ZNF536: variants seen among roughly 807,000 people sequenced by gnomAD.
The protein encoded by ZNF536 is zinc finger protein 536.
ZNF536 carries 13 observed loss-of-function variants against 84.5 expected under a neutral mutation model. The ratio of observed to expected loss-of-function variants is 0.15; its 90% CI spans 0.10 to 0.24. The LOEUF (loss-of-function observed/expected upper bound fraction) is 0.24. Among genes scored for constraint, ZNF536 ranks in the 10% least tolerant of loss-of-function variants. The pLI, the probability that ZNF536 is intolerant of heterozygous loss-of-function variation, is 1.00. For missense variants in ZNF536, 1,536 were observed against 1,747.5 expected (o/e 0.88, Z 2.16); for synonymous variants, 811 against 742.5 (o/e 1.09, Z -1.50).
intron 1 of ZNF536, among the ~76,000 whole-genome samples, chr19:30,443,051 T>A (rs1012394298): frequency 6.6e-6 from 1 of 151,896 alleles, no homozygotes; most frequent in African/African-American, 2.4e-5. Context: ...TTGTTTTTTT[T>A]TTTTTTTTGG....
At chr19:30,663,470 C>T (rs867265299) in intron 1 of ZNF536, among the ~76,000 whole-genome samples, 12 of 152,176 alleles carry the variant, frequency 7.9e-5, no homozygotes, top group Admixed American at 2.6e-4. Context: ...CGCCATTATA[C>T]GACGCCTTCC....
At chr19:30,296,487 T>C (rs935695624) in intron 2 of ZNF536, among the ~76,000 whole-genome samples, 2 of 152,144 alleles carry the variant, frequency 1.3e-5, no homozygotes, top group African/African-American at 4.8e-5. Flanking sequence ...TGAAACCCTT[T>C]TGTATGGCTC....
At chr19:30,296,970 A>C (rs1364319398) in intron 2 of ZNF536, among the ~76,000 whole-genome samples, 2 of 152,162 alleles carry the variant, frequency 1.3e-5, no homozygotes, top group African/African-American at 4.8e-5. Flanking sequence ...GGTGAGAGTA[A>C]AACTTCCAGA....
At chr19:30,603,760 C>A (rs2047773845) in intron 1 of ZNF536, among the ~76,000 whole-genome samples, 2 of 152,116 alleles carry the variant, frequency 1.3e-5, no homozygotes, top group South Asian at 2.1e-4. Flanking sequence ...GAAGCATCAA[C>A]TTTGTTTCTA....
intron 1 of ZNF536, among the ~76,000 whole-genome samples, chr19:30,667,041 G>A (rs556438933): frequency 3.3e-5 from 5 of 152,150 alleles, no homozygotes; most frequent in South Asian, 4.2e-4. Flanking sequence ...GCCTACCTTG[G>A]TGTAAGCTCT....
chr19:30,485,149 C>CATAAATAA (rs199876994), intron 2 of ZNF536, among the ~76,000 whole-genome samples: 23,115 of 146,216 alleles, frequency 0.16, 2,107 homozygotes, highest in East Asian at 0.28. Context: ...GTCTCAAAAA[C>CATAAATAA]ATAAATAAAT....
chr19:30,570,086 A>G (rs2146536365), intron 1 of ZNF536, among the ~76,000 whole-genome samples: 1 of 152,260 alleles, frequency 6.6e-6, no homozygotes, highest in South Asian at 2.1e-4. Flanking sequence ...ATCTATCCCC[A>G]GATATCAGTA....
At chr19:30,481,011 A>AGAGT (rs1199124060) in intron 2 of ZNF536, among the ~76,000 whole-genome samples, 1 of 143,134 alleles carries the variant, frequency 7.0e-6, no homozygotes, top group Non-Finnish European at 1.5e-5. Flanking sequence ...CCTGGGCAAC[A>AGAGT]GAGTTAGACC....
intron 1 of ZNF536, among the ~76,000 whole-genome samples, chr19:30,269,200 G>C (rs895673076): frequency 2.6e-5 from 4 of 152,132 alleles, no homozygotes; most frequent in African/African-American, 9.7e-5. Flanking sequence ...CTGGAACTCC[G>C]CAGGAACCCT....
intron 1 of ZNF536, among the ~76,000 whole-genome samples, chr19:30,590,143 A>G (rs1474302301): frequency 1.3e-5 from 2 of 152,044 alleles, no homozygotes; most frequent in South Asian, 2.1e-4. Context: ...GGCCATGTCA[A>G]CCCATGGAGG....
At chr19:30,544,899 CTG>C (rs549954514) in intron 3 of ZNF536, among the ~76,000 whole-genome samples, 24 of 152,218 alleles carry the variant, frequency 1.6e-4, no homozygotes, top group Non-Finnish European at 3.2e-4. Flanking sequence ...GACCAGGATT[CTG>C]TGTCCAGTGG....
At chr19:30,267,632 C>T (rs982167852) in intron 1 of ZNF536, among the ~76,000 whole-genome samples, 16 of 152,082 alleles carry the variant, frequency 1.1e-4, no homozygotes, top group African/African-American at 3.1e-4. Context: ...TGGCACACCC[C>T]GTCCTGTCCT....
At chr19:30,498,847 C>A (rs913771401) in intron 2 of ZNF536, among the ~76,000 whole-genome samples, 3 of 151,940 alleles carry the variant, frequency 2.0e-5, no homozygotes, top group Admixed American at 1.3e-4. Context: ...TGCAGTCCTC[C>A]GGGCACTCTA....
At chr19:30,447,434 G>A (rs574967403) in intron 2 of ZNF536, among the ~76,000 whole-genome samples, 3 of 152,300 alleles carry the variant, frequency 2.0e-5, no homozygotes, top group South Asian at 4.1e-4. Flanking sequence ...CAGAGATTCC[G>A]ATAGCACTTA....
At chr19:30,639,631 G>A (rs1423639326) in intron 1 of ZNF536, among the ~76,000 whole-genome samples, 1 of 152,168 alleles carries the variant, frequency 6.6e-6, no homozygotes, top group Non-Finnish European at 1.5e-5. Context: ...CAGATTTTAA[G>A]GATTTATTTC....
chr19:30,318,361 G>A (rs1047866236), intron 2 of ZNF536, among the ~76,000 whole-genome samples: 2 of 152,156 alleles, frequency 1.3e-5, no homozygotes, highest in East Asian at 1.9e-4. Context: ...GGAAGGAACC[G>A]GGCAAACCAC....
intron 2 of ZNF536, among the ~76,000 whole-genome samples, chr19:30,309,877 T>G (rs952918662): frequency 3.3e-5 from 5 of 152,164 alleles, no homozygotes; most frequent in African/African-American, 1.2e-4. Context: ...TTTTCCTTCC[T>G]TGGCTTTTTC....
intron 1 of ZNF536, among the ~76,000 whole-genome samples, chr19:30,404,949 G>A (rs2050205810): frequency 6.6e-6 from 1 of 152,166 alleles, no homozygotes; most frequent in Non-Finnish European, 1.5e-5. Flanking sequence ...CTATTAATTT[G>A]CCGGAGCAGC....
intron 1 of ZNF536, among the ~76,000 whole-genome samples, chr19:30,620,045 T>G (rs912818368): frequency 2.1e-4 from 22 of 102,620 alleles, no homozygotes; most frequent in Non-Finnish European, 4.0e-4. Context: ...TTTTTTTTTG[T>G]AGTGATAATT....
Sources: allele counts gnomAD v4.1 joint callset (sites outside exome capture counted in the v4.1 genomes callset), GRCh38; gene constraint gnomAD v4.1.1; transcripts MANE v1.5; gene names NCBI Gene and HGNC (gene_info 2026-07-23, HGNC 2026-07-21).